SCARB2: variants seen among roughly 807,000 people sequenced by gnomAD.
SCARB2 encodes lysosome membrane protein 2.
SCARB2 carries 29 observed loss-of-function variants against 58.6 expected under a neutral mutation model. The observed-to-expected ratio is 0.49, with a 90% CI of 0.37 to 0.67. The LOEUF (loss-of-function observed/expected upper bound fraction) is 0.67, where lower values mean the gene tolerates loss of function less well. SCARB2 is among the 30% of genes least tolerant of loss of function. The pLI, the probability that SCARB2 is intolerant of heterozygous loss-of-function variation, is 0.00. For synonymous variants in SCARB2, 195 were observed against 210.1 expected (o/e 0.93, Z 0.62); for missense variants, 488 against 578.5 (o/e 0.84, Z 1.60).
In SCARB2 at chr4:76,188,870, T is replaced by G. The variant is rs76284874; in HGVS notation, c.275+6837A>C. ...CCCACTCAGCCCTGTAAGGAGCTCT[T>G]AGCAGCCTGCACTGCACATATGCAT... On this transcript the variant is annotated intron_variant, in intron 2 of 11. Coordinates refer to ENST00000264896, the MANE Select transcript of SCARB2 (RefSeq NM_005506.4). Among the ~76,000 whole-genome samples the G allele has an allele frequency of 2.4e-4, 36 of 152,326 alleles. 2 individuals carry two copies. The East Asian group carries it at 6.9e-3, about 29-fold the overall frequency.
chr4:76,172,916 A>C (rs186271628), intron 7 of SCARB2: 1 of 152,324 alleles, frequency 6.6e-6, no homozygotes, highest in African/African-American at 2.4e-5. Context: ...GAAATTTTAA[A>C]GAGGAATTAC....
At chr4:76,215,656 C>G (rs1169942803), upstream of SCARB2, among the ~76,000 whole-genome samples, 1 of 152,148 alleles carries the variant, frequency 6.6e-6, no homozygotes, top group Non-Finnish European at 1.5e-5. Context: ...TGCCTTGCAA[C>G]TTCTGCTGGG....
In SCARB2 at chr4:76,198,365, A is replaced by G. The variant is rs550873213; in HGVS notation, c.118-2501T>C. 6.5e-4 allele frequency among the ~76,000 whole-genome samples: 99 copies of G among 152,352 alleles called. 2 individuals are homozygous for G. The Middle Eastern group carries it at 0.02, about 31-fold the overall frequency. On this transcript the variant is annotated intron_variant, in intron 1 of 11. Transcript: ENST00000264896. ...AGCTTTTAGGCAACCATAAATCCAA[A>G]GACAAGTGGAAGGGTTTCCAGAAAG... is the stretch of plus-strand genomic sequence containing the variant.
chr4:76,186,752 G>A (rs1732495770), intron 2 of SCARB2, among the ~76,000 whole-genome samples: 1 of 151,974 alleles, frequency 6.6e-6, no homozygotes, highest in Non-Finnish European at 1.5e-5. Context: ...ACACATACCT[G>A]GTCACAACCT....
At position 76,167,403 on chromosome 4, in the gene SCARB2, C is replaced by A. The variant is rs142661552; in HGVS notation, c.1187+1000G>T. On this transcript the variant is annotated intron_variant, in intron 9 of 11. Transcript: ENST00000264896. ...ATGGTTTAGCACCATTCGCTTGGTG[C>A]TGTCCTTGTGATAGTGAGTTATCAT... Among the ~76,000 whole-genome samples the A allele has an allele frequency of 7.9e-5, 12 of 152,232 alleles. No homozygotes were observed. In the East Asian group the frequency reaches 2.1e-3, roughly 27 times the overall value.
intron 7 of SCARB2, 193 bp downstream of exon 7, chr4:76,173,951 A>T (rs983186130): frequency 4.5e-6 from 3 of 661,488 alleles, no homozygotes; most frequent in Middle Eastern, 4.4e-4. Context: ...TTTGTTTTTT[A>T]GAGACAGTGG....
At chr4:76,219,963 C>G (rs1193408071) in intron 1 of SCARB2, among the ~76,000 whole-genome samples, 1 of 152,188 alleles carries the variant, frequency 6.6e-6, no homozygotes, top group Non-Finnish European at 1.5e-5. Flanking sequence ...TAAATAAATA[C>G]TGTTTCTTTT....
At chr4:76,195,955 G>T in intron 1 of SCARB2, 91 bp from the exon 2 acceptor site, 1 of 849,896 alleles carries the variant, frequency 1.2e-6, no homozygotes, top group African/African-American at 1.7e-5. Context: ...CCCCTATTCT[G>T]ACCTCCTAGA....
chr4:76,175,595 G>A, intron 6 of SCARB2, 196 bp downstream of exon 6: 1 of 669,844 alleles, frequency 1.5e-6, no homozygotes, highest in Non-Finnish European at 2.5e-6. Flanking sequence ...GTAGAGCCAA[G>A]ATTCAAACCA....
Position 76,161,693 on chromosome 4 carries a change from T to A in SCARB2, c.*20A>T, listed in dbSNP as rs562930642. The A allele has an allele frequency of 1.9e-6, 3 of 1,613,980 alleles. No homozygotes were observed. In the African/African-American group the frequency reaches 4.0e-5, roughly 22 times the overall value. ...GGTCAGGACAGCTCACACAGTTTCT[T>A]CACCAAGCAAAGGCAATGTTTAGGT... On this transcript the variant is annotated 3_prime_UTR_variant, in exon 12 of 12. Transcript: ENST00000264896.
At chr4:76,215,356 T>C (rs1733186262), upstream of SCARB2, among the ~76,000 whole-genome samples, 1 of 152,236 alleles carries the variant, frequency 6.6e-6, no homozygotes, top group African/African-American at 2.4e-5. Context: ...GATGTAGGGC[T>C]GGCTGTTGGC....
At chr4:76,179,295 C>T in intron 4 of SCARB2, 1 of 532,346 alleles carries the variant, frequency 1.9e-6, no homozygotes, top group Non-Finnish European at 3.4e-6. Flanking sequence ...CTCAAATGAT[C>T]CACCCACCTC....
chr4:76,174,338 T>C lies in SCARB2; in HGVS notation c.825-25A>G, dbSNP rs192364653. 30 of 1,611,672 alleles carry C rather than the reference T, an allele frequency of 1.9e-5. No homozygotes were observed. The African/African-American group carries it at 4.0e-4, about 21-fold the overall frequency. On this transcript the variant is annotated intron_variant, in intron 6 of 11. Transcript: ENST00000264896. ...CCTGTTAGGATGTAAGAATAAAAAG[T>C]GAATGTGGACTCTGGTCAGTGTAAT...
intron 7 of SCARB2, chr4:76,172,997 G>C (rs1732164422): frequency 6.6e-6 from 1 of 152,086 alleles, no homozygotes; most frequent in Non-Finnish European, 1.5e-5. Context: ...TCAGAGGGAG[G>C]AGTCGCATCA....
intron 1 of SCARB2, among the ~76,000 whole-genome samples, chr4:76,208,261 G>C (rs1442642742): frequency 1.3e-5 from 2 of 152,198 alleles, no homozygotes; most frequent in African/African-American, 4.8e-5. Flanking sequence ...TGCACTCATA[G>C]TCAACATGAA....
intron 2 of SCARB2, among the ~76,000 whole-genome samples, chr4:76,190,001 A>C (rs1732570358): frequency 1.3e-5 from 2 of 149,710 alleles, no homozygotes. Flanking sequence ...AAAGTGGTAT[A>C]CTTGACACTT....
At chr4:76,233,852 ATAGT>A (rs1733535429) in intron 1 of SCARB2, among the ~76,000 whole-genome samples, 1 of 149,070 alleles carries the variant, frequency 6.7e-6, no homozygotes, top group African/African-American at 2.4e-5. Flanking sequence ...ACAAACAGAG[ATAGT>A]TGGTTGGGGG....
chr4:76,219,951 CATAA>C (rs1266059385), intron 1 of SCARB2, among the ~76,000 whole-genome samples: 4 of 152,190 alleles, frequency 2.6e-5, no homozygotes, highest in African/African-American at 4.8e-5. Context: ...CCAGTTCTTT[CATAA>C]ATAAATACTG....
At chr4:76,229,719 C>T (rs1578753642) in intron 1 of SCARB2, among the ~76,000 whole-genome samples, 2 of 152,318 alleles carry the variant, frequency 1.3e-5, no homozygotes, top group South Asian at 4.1e-4. Context: ...TGCATACCAG[C>T]ACCTGCTCTG....
Sources: allele counts gnomAD v4.1 joint callset (sites outside exome capture counted in the v4.1 genomes callset), GRCh38; gene constraint gnomAD v4.1.1; transcripts MANE v1.5; gene names NCBI Gene and HGNC (gene_info 2026-07-23, HGNC 2026-07-21).